Variants in EPB41L4A observed in about 807,000 individuals in gnomAD.
EPB41L4A encodes band 4.1-like protein 4A.
In EPB41L4A, 100 loss-of-function variants were observed where a neutral mutation model predicts 108.6. The observed-to-expected ratio is 0.92, with a 90% CI of 0.78 to 1.09. The LOEUF is 1.09. Among genes scored for constraint, EPB41L4A ranks in the 50% least tolerant of loss-of-function variants. The probability of loss-of-function intolerance (pLI) is 0.00; values close to 1 mark genes in which losing one functional copy is unlikely to be tolerated. For missense variants in EPB41L4A, 1,030 were observed against 842.7 expected (o/e 1.22, Z -2.75); for synonymous variants, 319 against 289.0 (o/e 1.10, Z -1.05).
rs144261021 is a variant in EPB41L4A, at chr5:112,325,089, T to C, written c.100-17599A>G. Among the ~76,000 whole-genome samples the C allele has an allele frequency of 2.7e-3, 415 of 152,288 alleles. 1 individual carries two copies. Among genetic ancestry groups the C allele is most frequent in the Admixed American group, 3.7e-3 (57 of 15,298 alleles). ...ATCCCCTAATTTGGATGACCATCAATAGAAGAATTGTTGAATAAACTGTAG... is the reference window on the plus strand; with the variant it reads ...ATCCCCTAATTTGGATGACCATCAACAGAAGAATTGTTGAATAAACTGTAG... On this transcript the variant is annotated intron_variant, in intron 1 of 22. Transcript: ENST00000261486.
At position 112,372,235 on chromosome 5, in the gene EPB41L4A, C is replaced by T. The variant is rs142565831; in HGVS notation, c.99+46706G>A. Among the ~76,000 whole-genome samples the T allele has an allele frequency of 7.2e-5, 11 of 152,216 alleles. 1 individual carries two copies. The East Asian group carries it at 1.4e-3, about 19-fold the overall frequency. On this transcript the variant is annotated intron_variant, in intron 1 of 22. Transcript: ENST00000261486. ...TCATGGCAGAAGGCATCTTTTCACACGGTGAAAGGATAGAGAATGAGAGCC... is the reference window on the plus strand; with the variant it reads ...TCATGGCAGAAGGCATCTTTTCACATGGTGAAAGGATAGAGAATGAGAGCC...
intron 18 of EPB41L4A, among the ~76,000 whole-genome samples, chr5:112,171,966 T>C (rs1158498084): frequency 6.6e-6 from 1 of 152,156 alleles, no homozygotes; most frequent in African/African-American, 2.4e-5. Context: ...ATGCTTTCAT[T>C]CTTCTCGATT....
intron 1 of EPB41L4A, among the ~76,000 whole-genome samples, chr5:112,374,453 A>C (rs1158945070): frequency 1.3e-5 from 2 of 149,804 alleles, no homozygotes; most frequent in South Asian, 2.1e-4. Context: ...AAGAAGTTAA[A>C]GTCTTCTAAA....
At chr5:112,332,751 C>T (rs1038351584) in intron 1 of EPB41L4A, among the ~76,000 whole-genome samples, 2 of 152,206 alleles carry the variant, frequency 1.3e-5, no homozygotes, top group African/African-American at 4.8e-5. Flanking sequence ...TGAAAATATG[C>T]ACAGATATGG....
chr5:112,243,291 ATT>A (rs35660232), intron 9 of EPB41L4A, among the ~76,000 whole-genome samples: 1 of 148,524 alleles, frequency 6.7e-6, no homozygotes, highest in African/African-American at 2.5e-5. Context: ...ATATATATAT[ATT>A]TTGTTTGTTT....
chr5:112,394,182 G>C (rs1330859749), intron 1 of EPB41L4A, among the ~76,000 whole-genome samples: 2 of 152,174 alleles, frequency 1.3e-5, no homozygotes, highest in Admixed American at 1.3e-4. Flanking sequence ...ACTGCCACAA[G>C]ACAGGGATGC....
chr5:112,232,529 G>C (rs1448506327), intron 12 of EPB41L4A, among the ~76,000 whole-genome samples: 1 of 152,148 alleles, frequency 6.6e-6, no homozygotes, highest in Non-Finnish European at 1.5e-5. Flanking sequence ...CAAGAGGAGG[G>C]GAACTAGAGT....
chr5:112,339,098 CT>C (rs1430372552), intron 1 of EPB41L4A, among the ~76,000 whole-genome samples: 1 of 152,110 alleles, frequency 6.6e-6, no homozygotes. Flanking sequence ...ATCAACAGGC[CT>C]GGCGACTGGG....
chr5:112,349,062 C>T (rs1480080578), intron 1 of EPB41L4A, among the ~76,000 whole-genome samples: 1 of 152,174 alleles, frequency 6.6e-6, no homozygotes, highest in Non-Finnish European at 1.5e-5. Flanking sequence ...GTAGGAGTAG[C>T]CACAACTTCA....
intron 17 of EPB41L4A, among the ~76,000 whole-genome samples, chr5:112,193,920 A>G (rs1761832092): frequency 6.6e-6 from 1 of 152,232 alleles, no homozygotes; most frequent in African/African-American, 2.4e-5. Context: ...ACTGGCAACC[A>G]AATCCCTCTG....
intron 2 of EPB41L4A, among the ~76,000 whole-genome samples, chr5:112,306,311 C>T (rs62364145): frequency 0.045 from 6,868 of 152,142 alleles, 228 homozygotes; most frequent in Non-Finnish European, 0.066. Flanking sequence ...TGTCTGTTCC[C>T]CTTTTTTGCA....
chr5:112,316,574 C>A (rs1561565505), intron 1 of EPB41L4A, among the ~76,000 whole-genome samples: 1 of 152,110 alleles, frequency 6.6e-6, no homozygotes, highest in Non-Finnish European at 1.5e-5. Context: ...GGAAAATCCT[C>A]ATTTAATCAT....
chr5:112,172,845 C>T (rs990019917), intron 18 of EPB41L4A, among the ~76,000 whole-genome samples: 1 of 152,144 alleles, frequency 6.6e-6, no homozygotes, highest in African/African-American at 2.4e-5. Context: ...GTGGGCATAT[C>T]AGCTTCTTCT....
chr5:112,337,209 A>C (rs1756973370), intron 1 of EPB41L4A, among the ~76,000 whole-genome samples: 1 of 152,158 alleles, frequency 6.6e-6, no homozygotes, highest in Non-Finnish European at 1.5e-5. Context: ...AATTAATGAG[A>C]TATCTAGCTA....
At chr5:112,234,579 A>AC in intron 12 of EPB41L4A, 55 bp downstream of exon 12, 2 of 1,579,592 alleles carry the variant, frequency 1.3e-6, no homozygotes, top group Non-Finnish European at 1.7e-6. Context: ...ATCTTACACT[A>AC]CCAGCCTAAA....
intron 18 of EPB41L4A, among the ~76,000 whole-genome samples, chr5:112,180,288 G>A (rs1412142103): frequency 6.6e-6 from 1 of 152,098 alleles, no homozygotes; most frequent in Non-Finnish European, 1.5e-5. Context: ...TAAAGGGGGA[G>A]AGGGAAAGCC....
rs1475670481 is a variant in EPB41L4A at position 112,170,448 on chromosome 5, TTTCCC to T, written c.1671-84_1671-80del. 4.3e-6 allele frequency: 4 copies of T among 919,980 alleles called. No homozygotes were observed. In the African/African-American group the frequency reaches 6.7e-5, roughly 15 times the overall value. The allele number at this position is 919,980 out of a possible 1,614,324, so 57.0% of individuals were successfully genotyped here. On this transcript the variant is annotated intron_variant, in intron 19 of 22. Coordinates refer to ENST00000261486, the MANE Select transcript of EPB41L4A (RefSeq NM_022140.5). The stretch of plus-strand genomic sequence containing the variant: ...TATCTTTCACAATCGGCAGGTGAGT[TTTCCC>T]TTTCTAATCTTGTCCCAAAACAGTG...
chr5:112,396,583 A>C (rs553886506), intron 1 of EPB41L4A, among the ~76,000 whole-genome samples: 2 of 152,364 alleles, frequency 1.3e-5, no homozygotes, highest in African/African-American at 4.8e-5. Context: ...TTATGGTCAG[A>C]GTATCAGCCA....
At chr5:112,383,027 G>A (rs1760273370) in intron 1 of EPB41L4A, among the ~76,000 whole-genome samples, 1 of 152,220 alleles carries the variant, frequency 6.6e-6, no homozygotes, top group Non-Finnish European at 1.5e-5. Flanking sequence ...ACCAAGGCAA[G>A]AGGTAATAAA....
Sources: allele counts gnomAD v4.1 joint callset (sites outside exome capture counted in the v4.1 genomes callset), GRCh38; gene constraint gnomAD v4.1.1; transcripts MANE v1.5; gene names NCBI Gene and HGNC (gene_info 2026-07-23, HGNC 2026-07-21).